Variants in ABCA5 observed in about 807,000 individuals in gnomAD.
ABCA5 encodes cholesterol transporter ABCA5.
A neutral mutation model predicts 206.0 loss-of-function variants in ABCA5; 163 were observed. The observed-to-expected ratio is 0.79, with a 90% CI of 0.70 to 0.90. The LOEUF (loss-of-function observed/expected upper bound fraction) is 0.90, where lower values mean the gene tolerates loss of function less well. ABCA5 is among the 40% of genes least tolerant of loss of function. The pLI, the probability that ABCA5 is intolerant of heterozygous loss-of-function variation, is 0.00. For synonymous variants in ABCA5, 609 were observed against 613.8 expected, an observed-to-expected ratio of 0.99 and a Z score of 0.11; for missense variants, 1,859 against 1,912.9, an observed-to-expected ratio of 0.97 and a Z score of 0.53.
chr17:69,262,118 C>T (rs2075155118), intron 24 of ABCA5, among the ~76,000 whole-genome samples: 2 of 152,094 alleles, frequency 1.3e-5, no homozygotes, highest in African/African-American at 4.8e-5. Context: ...ACTCTGTTTT[C>T]CCTTTTTCCT....
Position 69,245,270 on chromosome 17 carries a change from G to A in ABCA5, c.*2267C>T, listed in dbSNP as rs891435468. ...TTATTAGTCAGTAAACACTCACTCA[G>A]TAAAGCTCAGCTTTTACTTTCCTTT... On this transcript the variant is annotated 3_prime_UTR_variant, in exon 39 of 39. Coordinates refer to ENST00000392676, the MANE Select transcript of ABCA5 (RefSeq NM_172232.4). 6.6e-6 allele frequency: 1 copy of A among 151,858 alleles called. No homozygotes were observed. Among genetic ancestry groups the A allele is most frequent in the African/African-American group, 2.4e-5 (1 of 41,394 alleles). 9.4% of individuals were successfully genotyped at this position (151,858 alleles called of 1,614,324 possible).
chr17:69,303,831 T>TATACATACATATATATAC (rs2075684616), intron 7 of ABCA5, among the ~76,000 whole-genome samples: 6 of 27,740 alleles, frequency 2.2e-4, no homozygotes, highest in African/African-American at 6.8e-4. Flanking sequence ...TATATGTATA[T>TATACATACATATATATAC]ATATATATAC....
chr17:69,289,890 C>A lies in ABCA5; in HGVS notation c.1754G>T (p.Gly585Val), dbSNP rs371240400. ...ENLSILASIK[G>V]IPANNIIQEV... Reference sequence around the variant, plus strand: ...TTGTATTATATTGTTGGCTGGTATCCCTTTGATTGAAGCCAAAATTGATAA... The same window carrying A: ...TTGTATTATATTGTTGGCTGGTATCACTTTGATTGAAGCCAAAATTGATAA... The change falls in exon 13 of 39, where the codon GGG becomes GTG. Residue 585 changes from glycine (G) to valine (V), a missense_variant. Coordinates refer to ENST00000392676, the MANE Select transcript of ABCA5 (RefSeq NM_172232.4). 7.5e-6 allele frequency: 12 copies of A among 1,609,686 alleles called. No homozygotes were observed. Among genetic ancestry groups the A allele is most frequent in the South Asian group, 1.1e-5 (1 of 90,694 alleles).
rs368136142 is a variant in ABCA5 at position 69,308,288 on chromosome 17, T to C, written c.550A>G (p.Ile184Val). Residue 184 changes from isoleucine (I) to valine (V), a missense_variant, in exon 5 of 39, where the codon ATT becomes GTT. Coordinates refer to ENST00000392676, the MANE Select transcript of ABCA5 (RefSeq NM_172232.4). ...TCCTTTATCATATTTACCTGTATAA[T>C]GGCAGCATCTATGGATGCTTGTAAA... is the stretch of plus-strand genomic sequence containing the variant. ...TVLQASIDAA[I>V]IQLKTNVSLW... 2.3e-5 allele frequency: 37 copies of C among 1,599,534 alleles called. No homozygotes were observed. The highest frequency in any genetic ancestry group is 2.0e-4 in the African/African-American group (15 of 74,592).
rs780100515 is a variant in ABCA5, at chr17:69,260,414, T to C, written c.3565-2A>G. The stretch of plus-strand genomic sequence containing the variant: ...TTTTCGTACATTCTTCCAAGAAATC[T>C]AAGACAAAAAGATTTGAAAATATAT... On this transcript the variant is annotated splice_acceptor_variant, in intron 26 of 38. Transcript: ENST00000392676. LOFTEE classifies it high-confidence loss of function. 1.3e-6 allele frequency: 2 copies of C among 1,590,662 alleles called. No homozygotes were observed. The highest frequency in any genetic ancestry group is 4.5e-5 in the East Asian group (2 of 44,464).
chr17:69,284,056 T>G lies in ABCA5; in HGVS notation c.2289A>C (p.Leu763=), dbSNP rs762290749. 35 of 1,585,592 alleles carry G rather than the reference T, an allele frequency of 2.2e-5. No individual in the cohort carries two copies. The highest frequency in any genetic ancestry group is 3.0e-5 in the Non-Finnish European group (35 of 1,168,952). The part of the protein sequence containing the change: ...MDKFSGLFSA[L]DSHSNLGVIS... ...TGACACCCAAATTTGAATGACTGTC[T>G]AGGGCAGAAAACAAACCTAAAAGAA... Residue 763 remains leucine (L), a synonymous_variant, in exon 18 of 39, where the codon CTA becomes CTC. Transcript: ENST00000392676.
chr17:69,319,361 T>G (rs1441336277), intron 1 of ABCA5, among the ~76,000 whole-genome samples: 1 of 152,212 alleles, frequency 6.6e-6, no homozygotes, highest in Admixed American at 6.5e-5. Flanking sequence ...AGTAGATGGA[T>G]TCACAGAATT....
intron 5 of ABCA5, 57 bp from the exon 6 acceptor site, chr17:69,307,011 GT>G (rs1226799571): frequency 3.2e-6 from 4 of 1,260,160 alleles, no homozygotes; most frequent in Non-Finnish European, 3.2e-6. Context: ...GCAGCCCCTA[GT>G]AAAACGGGAC....
intron 9 of ABCA5, among the ~76,000 whole-genome samples, chr17:69,300,624 A>AT (rs749742986): frequency 6.6e-5 from 10 of 152,246 alleles, no homozygotes; most frequent in Non-Finnish European, 1.2e-4. Context: ...ATCAATTTAA[A>AT]TTTTAAAAGC....
chr17:69,298,236 G>GTAGC (rs1249700927), intron 9 of ABCA5, among the ~76,000 whole-genome samples: 1 of 90,290 alleles, frequency 1.1e-5, no homozygotes, highest in Non-Finnish European at 2.4e-5. Flanking sequence ...AGGTAGGAAG[G>GTAGC]AAGGAAGGAA....
At chr17:69,299,471 T>TACACACACACACTCACACACACAC (rs2075627902) in intron 9 of ABCA5, among the ~76,000 whole-genome samples, 1 of 142,400 alleles carries the variant, frequency 7.0e-6, no homozygotes, top group African/African-American at 2.6e-5. Context: ...CACACACACA[T>TACACACACACACTCACACACACAC]ACACACACAC....
At position 69,244,527 on chromosome 17, in the gene ABCA5, A is replaced by G. The variant is rs1487923624; in HGVS notation, c.*3010T>C. ...ATAAATAAAAAATAATTAAACTTTT[A>G]CCTGATAAGAATAGCTGATATAAAA... is the stretch of plus-strand genomic sequence containing the variant. On this transcript the variant is annotated 3_prime_UTR_variant, in exon 39 of 39. Coordinates refer to ENST00000392676, the MANE Select transcript of ABCA5 (RefSeq NM_172232.4). 6.6e-6 allele frequency: 1 copy of G among 151,854 alleles called. No individual in the cohort carries two copies. Among genetic ancestry groups the G allele is most frequent in the Non-Finnish European group, 1.5e-5 (1 of 67,860 alleles). 9.4% of individuals were successfully genotyped at this position (151,854 alleles called of 1,614,324 possible). A position where few individuals can be genotyped will look rare whatever the true frequency, so the allele number is the denominator to read the frequency against.
intron 1 of ABCA5, chr17:69,315,187 A>G (rs1598208143): frequency 6.6e-6 from 1 of 152,276 alleles, no homozygotes; most frequent in Non-Finnish European, 1.5e-5. Context: ...CAAGCTGGAC[A>G]TACATAAATC....
rs779538014 is a variant in ABCA5 at position 69,253,522 on chromosome 17, A to G, written c.4415+51T>C. On this transcript the variant is annotated intron_variant, in intron 34 of 38. Coordinates refer to ENST00000392676, the MANE Select transcript of ABCA5 (RefSeq NM_172232.4). ...AACATTAAACTATTATAATAAAAGAAACTGTTCTATTCTAAAGTATCATGT... is the reference window on the plus strand; with the variant it reads ...AACATTAAACTATTATAATAAAAGAGACTGTTCTATTCTAAAGTATCATGT... 2.4e-6 allele frequency: 3 copies of G among 1,241,228 alleles called. No individual in the cohort carries two copies. In the South Asian group the frequency reaches 4.1e-5, roughly 17 times the overall value. The allele number at this position is 1,241,228 out of a possible 1,614,324, so 76.9% of individuals were successfully genotyped here.
chr17:69,290,043 AG>A lies in ABCA5; in HGVS notation c.1607-7del, dbSNP rs752938099. ...TCCATATATAGATGCAAACCCTAAA[AG>A]CAAAATATATATTTAAATGTACATT... On this transcript the variant is annotated splice_polypyrimidine_tract_variant and splice_region_variant and intron_variant, in intron 12 of 38. Coordinates refer to ENST00000392676, the MANE Select transcript of ABCA5 (RefSeq NM_172232.4). The A allele has an allele frequency of 8.1e-5, 124 of 1,535,180 alleles. No individual in the cohort carries two copies. Among genetic ancestry groups the A allele is most frequent in the Non-Finnish European group, 1.1e-4 (120 of 1,137,266 alleles).
intron 12 of ABCA5, 73 bp from the exon 13 acceptor site, chr17:69,290,110 CTTAG>C (rs1402130069): frequency 2.3e-5 from 25 of 1,106,776 alleles, no homozygotes; most frequent in Admixed American, 9.3e-5. Context: ...ATCCTGATAA[CTTAG>C]TTATTTGGTT....
In ABCA5 at chr17:69,250,691, T is replaced by C. The variant is rs538774179; in HGVS notation, c.4536-70A>G. 7.7e-6 allele frequency: 9 copies of C among 1,164,484 alleles called. No homozygotes were observed. The African/African-American group carries it at 1.1e-4, about 15-fold the overall frequency. The allele number at this position is 1,164,484 out of a possible 1,614,324, so 72.1% of individuals were successfully genotyped here. ...TTCAAAGAATAATCTCTCACACATA[T>C]AACTACATTTTAAAAAAATATACCT... On this transcript the variant is annotated intron_variant, in intron 35 of 38. Coordinates refer to ENST00000392676, the MANE Select transcript of ABCA5 (RefSeq NM_172232.4).
intron 19 of ABCA5, 83 bp from the exon 20 acceptor site, chr17:69,274,211 G>C (rs947668574): frequency 7.7e-7 from 1 of 1,307,058 alleles, no homozygotes; most frequent in Non-Finnish European, 1.0e-6. Flanking sequence ...CCTTCACATT[G>C]ATATGGACTT....
Position 69,313,120 on chromosome 17 carries a change from C to A in ABCA5, c.279G>T (p.Gln93His). Residue 93 changes from glutamine to histidine, a missense_variant, in exon 3 of 39, where the codon CAG becomes CAT. Coordinates refer to ENST00000392676, the MANE Select transcript of ABCA5 (RefSeq NM_172232.4). ...PVTNITSSIM[Q>H]KVSTDHLPDV... ...CAGGTAGATGATCAGTAGACACTTT[C>A]TGCATGATGCTGCTTGTAATATTAG... The A allele has an allele frequency of 6.2e-7, 1 of 1,610,644 alleles. No individual in the cohort carries two copies. The highest frequency in any genetic ancestry group is 8.5e-7 in the Non-Finnish European group (1 of 1,178,158).
Sources: allele counts gnomAD v4.1 joint callset (sites outside exome capture counted in the v4.1 genomes callset), GRCh38; gene constraint gnomAD v4.1.1; transcripts MANE v1.5; gene names NCBI Gene and HGNC (gene_info 2026-07-23, HGNC 2026-07-21).